TASP1: variants seen among roughly 807,000 people sequenced by gnomAD.
TASP1 encodes taspase 1, also known as threonine aspartase 1.
TASP1 carries 16 observed loss-of-function variants against 56.6 expected under a neutral mutation model. The observed-to-expected ratio is 0.28, with a 90% CI of 0.19 to 0.43. The LOEUF is 0.43. TASP1 is among the 20% of genes least tolerant of loss of function. The pLI is 1.00. For synonymous variants in TASP1, 179 were observed against 184.2 expected (o/e 0.97, Z 0.23); for missense variants, 393 against 511.6 (o/e 0.77, Z 2.24).
chr20:13,576,472 T>C (rs1183679894), intron 6 of TASP1, among the ~76,000 whole-genome samples: 2 of 152,128 alleles, frequency 1.3e-5, no homozygotes, highest in East Asian at 3.9e-4. Context: ...AATGTCAATA[T>C]GTTAAAATCA....
chr20:13,636,637 A>G (rs180751367), intron 1 of TASP1, among the ~76,000 whole-genome samples: 3 of 152,342 alleles, frequency 2.0e-5, no homozygotes, highest in African/African-American at 7.2e-5. Flanking sequence ...ACACAGGATA[A>G]TTTAGAATAA....
rs902609142 is a variant in TASP1, at chr20:13,562,132, G to A, written c.569-3018C>T. ...AACAGGATGGAGTTAGAAATCAATG[G>A]TAGAAGAAAACTGGAAAATGCACAA... is the stretch of plus-strand genomic sequence containing the variant. On this transcript the variant is annotated intron_variant, in intron 7 of 13. Transcript: ENST00000337743. Among the ~76,000 whole-genome samples, 23 of 152,202 alleles carry A rather than the reference G, an allele frequency of 1.5e-4. 1 individual carries two copies. Among genetic ancestry groups the A allele is most frequent in the Admixed American group, 1.4e-3 (22 of 15,276 alleles).
the TASP1 span, among the ~76,000 whole-genome samples, chr20:13,231,367 G>A: frequency 6.6e-6 from 1 of 152,182 alleles, no homozygotes; most frequent in South Asian, 2.1e-4. Flanking sequence ...TACAGAGATG[G>A]GCTGCAAAGG....
chr20:13,286,628 G>T, the TASP1 span, among the ~76,000 whole-genome samples: 2 of 152,136 alleles, frequency 1.3e-5, no homozygotes, highest in African/African-American at 4.8e-5. Context: ...TCAGAGTTAG[G>T]GAGGAGGACA....
the TASP1 span, among the ~76,000 whole-genome samples, chr20:13,363,608 C>T: frequency 6.6e-6 from 1 of 152,248 alleles, no homozygotes; most frequent in East Asian, 1.9e-4. Context: ...TAAGTGACAA[C>T]CTACTACTGT....
chr20:13,125,869 G>A, the TASP1 span, among the ~76,000 whole-genome samples: 1 of 152,194 alleles, frequency 6.6e-6, no homozygotes, highest in African/African-American at 2.4e-5. Context: ...TCCGCCTTTT[G>A]ATGGAAGCAA....
At chr20:13,596,267 CG>C (rs1568628962) in intron 4 of TASP1, among the ~76,000 whole-genome samples, 2 of 151,660 alleles carry the variant, frequency 1.3e-5, no homozygotes, top group Non-Finnish European at 2.9e-5. Context: ...CCCACATACT[CG>C]GGGGGCTGAG....
chr20:13,486,177 T>TA (rs1264275466), intron 10 of TASP1, among the ~76,000 whole-genome samples: 1 of 152,186 alleles, frequency 6.6e-6, no homozygotes, highest in East Asian at 1.9e-4. Flanking sequence ...TTTCTTAGAA[T>TA]ATGCTGCCAT....
the TASP1 span, among the ~76,000 whole-genome samples, chr20:13,307,639 C>G: frequency 6.6e-6 from 1 of 152,184 alleles, no homozygotes; most frequent in Non-Finnish European, 1.5e-5. Context: ...GAATTTTACA[C>G]CAGATTAGTT....
At chr20:13,489,807 C>T (rs1442678747) in intron 10 of TASP1, among the ~76,000 whole-genome samples, 1 of 152,296 alleles carries the variant, frequency 6.6e-6, no homozygotes, top group African/African-American at 2.4e-5. Context: ...AATTCAGTGG[C>T]ATTAAGTACA....
intron 10 of TASP1, among the ~76,000 whole-genome samples, chr20:13,517,818 T>C (rs551248470): frequency 2.6e-5 from 4 of 152,242 alleles, no homozygotes; most frequent in South Asian, 2.1e-4. Context: ...AGAAGCAATA[T>C]ATTAAAAGTT....
chr20:13,485,619 T>C (rs911544094), intron 10 of TASP1, among the ~76,000 whole-genome samples: 1 of 152,202 alleles, frequency 6.6e-6, no homozygotes, highest in Non-Finnish European at 1.5e-5. Flanking sequence ...CATAAGTCAA[T>C]GTGTAACTTT....
the TASP1 span, among the ~76,000 whole-genome samples, chr20:13,323,241 T>C: frequency 2.6e-5 from 4 of 152,068 alleles, no homozygotes; most frequent in East Asian, 3.9e-4. Flanking sequence ...GAGAAACACA[T>C]TGAAGAAATG....
chr20:13,359,556 C>G, the TASP1 span, among the ~76,000 whole-genome samples: 1 of 151,386 alleles, frequency 6.6e-6, no homozygotes, highest in Non-Finnish European at 1.5e-5. Context: ...ACACACTCCA[C>G]ATTACCTTCT....
the TASP1 span, among the ~76,000 whole-genome samples, chr20:13,205,469 T>C: frequency 6.6e-6 from 1 of 152,168 alleles, no homozygotes. Flanking sequence ...TTTCTTACAG[T>C]TCTAAAAGCC....
chr20:13,213,645 A>C, the TASP1 span, among the ~76,000 whole-genome samples: 1 of 152,216 alleles, frequency 6.6e-6, no homozygotes, highest in Non-Finnish European at 1.5e-5. Context: ...TCCACACATA[A>C]GAAAAAGATA....
the TASP1 span, among the ~76,000 whole-genome samples, chr20:13,134,962 G>A: frequency 6.6e-6 from 1 of 152,198 alleles, no homozygotes; most frequent in Non-Finnish European, 1.5e-5. Flanking sequence ...GAATAGGAAA[G>A]GGAGTTTTGC....
At chr20:13,609,412 G>A (rs534028645) in intron 4 of TASP1, among the ~76,000 whole-genome samples, 39 of 152,216 alleles carry the variant, frequency 2.6e-4, no homozygotes, top group Admixed American at 8.5e-4. Context: ...GGCCAAGCGC[G>A]GTGGCTCACA....
chr20:13,575,817 G>A (rs1015513244), intron 6 of TASP1, among the ~76,000 whole-genome samples: 1 of 152,082 alleles, frequency 6.6e-6, no homozygotes, highest in Non-Finnish European at 1.5e-5. Context: ...CGCATTGGAG[G>A]TTCCAGACAA....
Sources: gnomAD v4.1 joint callset for allele counts (sites outside exome capture counted in the v4.1 genomes callset) on GRCh38, gnomAD v4.1.1 for gene constraint, MANE v1.5 for transcripts, NCBI Gene and HGNC (gene_info 2026-07-23, HGNC 2026-07-21) for gene names.